Variants in PSD3 observed in about 807,000 individuals in gnomAD.
PSD3 encodes the protein pleckstrin and Sec7 domain containing 3, also known as PH and SEC7 domain-containing protein 3.
A neutral mutation model predicts 105.5 loss-of-function variants in PSD3; 49 were observed. The ratio of observed to expected loss-of-function variants is 0.46; its 90% confidence interval spans 0.37 to 0.59. The LOEUF is 0.59. PSD3 is among the 20% of genes least tolerant of loss of function. PSD3 has a pLI of 0.00. For missense variants in PSD3, 1,561 were observed against 1,263.8 expected (o/e 1.24, Z -3.57); for synonymous variants, 557 against 457.8 (o/e 1.22, Z -2.77).
At chr8:18,905,882 C>T (rs533573780) in intron 2 of PSD3, among the ~76,000 whole-genome samples, 19 of 151,872 alleles carry the variant, frequency 1.3e-4, no homozygotes, top group African/African-American at 4.6e-4. Flanking sequence ...GGTCTCTTTA[C>T]AGTAAATATA....
chr8:18,557,611 C>G (rs1038325578), intron 14 of PSD3: 1 of 153,186 alleles, frequency 6.5e-6, no homozygotes, highest in African/African-American at 2.4e-5. Flanking sequence ...AGCATGAACA[C>G]GTGGAGTGAT....
intron 9 of PSD3, among the ~76,000 whole-genome samples, chr8:18,752,700 T>C (rs926925881): frequency 6.5e-5 from 8 of 123,712 alleles, no homozygotes; most frequent in African/African-American, 1.2e-4. Flanking sequence ...TATGATATAA[T>C]ATATAATATA....
At chr8:18,672,692 A>T (rs1212967624) in intron 9 of PSD3, among the ~76,000 whole-genome samples, 1 of 152,206 alleles carries the variant, frequency 6.6e-6, no homozygotes, top group Non-Finnish European at 1.5e-5. Flanking sequence ...CTCAGAAGAG[A>T]CAACTGTTTC....
At position 18,743,779 on chromosome 8, in the gene PSD3, A is replaced by G. The variant is rs1401156539; in HGVS notation, c.2172+21670T>C. Among the ~76,000 whole-genome samples, 5 of 151,726 alleles carry G rather than the reference A, an allele frequency of 3.3e-5. No individual in the cohort carries two copies. In the East Asian group the frequency reaches 7.7e-4, roughly 23 times the overall value. On this transcript the variant is annotated intron_variant, in intron 9 of 15. Transcript: ENST00000327040. ...CAGAAAGACCCTGTCTCTATTAAAA[A>G]AAAAAAAAAAAGAAAGAAAATTAGC...
rs11203980 is a variant in PSD3, at chr8:18,665,167, T to C, written c.2173-9482A>G. Among the ~76,000 whole-genome samples the C allele has an allele frequency of 5.7e-3, 868 of 152,356 alleles. 22 individuals carry two copies. In the East Asian group the frequency reaches 0.069, roughly 12 times the overall value. On this transcript the variant is annotated intron_variant, in intron 9 of 15. Coordinates refer to ENST00000327040, the MANE Select transcript of PSD3 (RefSeq NM_015310.4). ...TTCACAAGGCTGTAACTGCCATAGA[T>C]AGCGATTCCTCTGATGGATATGGGC...
chr8:18,871,480 G>A lies in PSD3; in HGVS notation c.1238+146C>T, dbSNP rs1176022736. 5 of 1,028,994 alleles carry A rather than the reference G, an allele frequency of 4.9e-6. No individual in the cohort carries two copies. The African/African-American group carries it at 8.0e-5, about 17-fold the overall frequency. The allele number at this position is 1,028,994 out of a possible 1,614,324, so 63.7% of individuals were successfully genotyped here. On this transcript the variant is annotated intron_variant, in intron 3 of 15. Transcript: ENST00000327040. ...CTTAGGAGGAATCTTAGCTTAGAAG[G>A]ACCTAGCTCACAGTAACTCATCTTA...
chr8:18,981,323 C>A (rs1371692178), intron 1 of PSD3, among the ~76,000 whole-genome samples: 1 of 152,140 alleles, frequency 6.6e-6, no homozygotes, highest in Non-Finnish European at 1.5e-5. Flanking sequence ...AAAGTCCACT[C>A]ATTATTGAAG....
chr8:18,863,021 C>G (rs946511988), intron 4 of PSD3, among the ~76,000 whole-genome samples: 9 of 152,138 alleles, frequency 5.9e-5, no homozygotes. Flanking sequence ...CCGTTAGTAT[C>G]CCGAGCAAGA....
At chr8:18,801,212 T>C in intron 7 of PSD3, 58 bp downstream of exon 7, 1 of 1,103,434 alleles carries the variant, frequency 9.1e-7, no homozygotes, top group Non-Finnish European at 1.3e-6. Context: ...TTAACTTTCA[T>C]AATAAGGAAA....
At chr8:18,609,901 G>A (rs373230086) in intron 11 of PSD3, among the ~76,000 whole-genome samples, 16 of 152,186 alleles carry the variant, frequency 1.1e-4, no homozygotes, top group Non-Finnish European at 1.9e-4. Flanking sequence ...AAGCAATCAA[G>A]TCCAAGCTGA....
At chr8:18,885,413 C>T (rs976048335) in intron 2 of PSD3, among the ~76,000 whole-genome samples, 5 of 152,078 alleles carry the variant, frequency 3.3e-5, no homozygotes, top group African/African-American at 9.7e-5. Context: ...TAAACTGTTT[C>T]GTATATATGT....
chr8:18,801,126 G>C (rs529021595), intron 7 of PSD3, 144 bp downstream of exon 7: 4 of 513,090 alleles, frequency 7.8e-6, no homozygotes, highest in Middle Eastern at 5.3e-4. Flanking sequence ...ATATTAAATA[G>C]ACTAGAATGA....
intron 4 of PSD3, among the ~76,000 whole-genome samples, chr8:18,824,727 G>A (rs76398871): frequency 0.12 from 18,266 of 152,124 alleles, 1,746 homozygotes; most frequent in African/African-American, 0.26. Flanking sequence ...CAGTGAATAA[G>A]AACAGAGATC....
chr8:18,749,486 C>G (rs1411152609), intron 9 of PSD3, among the ~76,000 whole-genome samples: 1 of 152,190 alleles, frequency 6.6e-6, no homozygotes, highest in East Asian at 1.9e-4. Context: ...GAGTCTCATC[C>G]CTTGATGATT....
chr8:18,753,123 G>A (rs142679819), intron 9 of PSD3, among the ~76,000 whole-genome samples: 8,799 of 152,088 alleles, frequency 0.058, 394 homozygotes, highest in African/African-American at 0.12. Flanking sequence ...CTGGGAAGCC[G>A]AGGCAGGTGG....
At chr8:18,745,573 A>G (rs1804944551) in intron 9 of PSD3, among the ~76,000 whole-genome samples, 1 of 152,166 alleles carries the variant, frequency 6.6e-6, no homozygotes. Context: ...TCCCTGCCCC[A>G]GGACTACAAC....
intron 9 of PSD3, among the ~76,000 whole-genome samples, chr8:18,750,699 G>A (rs1043595032): frequency 3.9e-5 from 6 of 151,934 alleles, no homozygotes; most frequent in Non-Finnish European, 7.4e-5. Context: ...TGAGTGGTGC[G>A]TTTACAATCC....
chr8:19,048,046 A>G (rs1330475830), intron 1 of PSD3, among the ~76,000 whole-genome samples: 1 of 152,140 alleles, frequency 6.6e-6, no homozygotes, highest in Non-Finnish European at 1.5e-5. Flanking sequence ...CAAACCTAGA[A>G]ACAAGGAGTA....
chr8:18,984,726 G>A (rs918930049), intron 1 of PSD3, among the ~76,000 whole-genome samples: 1 of 152,116 alleles, frequency 6.6e-6, no homozygotes, highest in East Asian at 1.9e-4. Context: ...AATAATAAAA[G>A]TAAATATTCA....
Sources: gnomAD v4.1 joint callset for allele counts (sites outside exome capture counted in the v4.1 genomes callset) on GRCh38, gnomAD v4.1.1 for gene constraint, MANE v1.5 for transcripts, NCBI Gene and HGNC (gene_info 2026-07-23, HGNC 2026-07-21) for gene names.